TMEM169: variants seen among roughly 807,000 people sequenced by gnomAD.
TMEM169 encodes the protein transmembrane protein 169.
Under a neutral mutation model 27.3 loss-of-function variants are expected in TMEM169, and 18 were observed. The ratio of observed to expected loss-of-function variants is 0.66; its 90% CI spans 0.46 to 0.98. The LOEUF (loss-of-function observed/expected upper bound fraction) is 0.98, where lower values mean the gene tolerates loss of function less well. Ranked by LOEUF, TMEM169 falls within the 50% of genes least tolerant of loss-of-function variation. The pLI is 0.00. For missense variants in TMEM169, 320 were observed against 368.6 expected (o/e 0.87, Z 1.08); for synonymous variants, 136 against 142.1 (o/e 0.96, Z 0.30).
At chr2:216,096,628 G>A (rs1024189627) in intron 2 of TMEM169, among the ~76,000 whole-genome samples, 1 of 152,144 alleles carries the variant, frequency 6.6e-6, no homozygotes, top group Admixed American at 6.6e-5. Flanking sequence ...GCCTCCCAAA[G>A]TGCTGGGATT....
At chr2:216,087,790 C>T (rs536357193) in intron 1 of TMEM169, among the ~76,000 whole-genome samples, 1 of 152,324 alleles carries the variant, frequency 6.6e-6, no homozygotes, top group South Asian at 2.1e-4. Context: ...ACACAATAAA[C>T]ATCCAATAAG....
chr2:216,088,499 C>G (rs1333717296), intron 1 of TMEM169, among the ~76,000 whole-genome samples: 1 of 152,126 alleles, frequency 6.6e-6, no homozygotes, highest in Non-Finnish European at 1.5e-5. Context: ...ATTGTTGTAC[C>G]TAGAACAACT....
At chr2:216,088,608 A>G (rs1574430817) in intron 1 of TMEM169, among the ~76,000 whole-genome samples, 1 of 152,364 alleles carries the variant, frequency 6.6e-6, no homozygotes, top group Non-Finnish European at 1.5e-5. Context: ...GGCTGAGGTG[A>G]GAGGATTGCT....
intron 1 of TMEM169, among the ~76,000 whole-genome samples, chr2:216,089,944 C>T (rs1383459003): frequency 1.3e-5 from 2 of 152,228 alleles, no homozygotes; most frequent in African/African-American, 4.8e-5. Context: ...GTTTACCTTA[C>T]AGCCTGACAC....
rs368738342 is a variant in TMEM169, at chr2:216,099,951, C to T, written c.303C>T (p.Tyr101=). ...DMWNLPLDSR[Y]VTLTGTITRG... is the part of the protein sequence containing the mutation. ...GGAACCTGCCTCTGGACAGCCGCTA[C>T]GTCACCTTAACTGGGACCATCACAC... The change falls in exon 3 of 3, where the codon TAC becomes TAT. Residue 101 remains tyrosine (Y), a synonymous_variant. Coordinates refer to ENST00000437356, the MANE Select transcript of TMEM169 (RefSeq NM_001142311.2). The surrounding 1 kb of genome is among the most constrained non-coding windows in gnomAD (Gnocchi z 5.0). 71 of 1,613,916 alleles carry T rather than the reference C, an allele frequency of 4.4e-5. No homozygotes were observed. In the African/African-American group the frequency reaches 6.0e-4, roughly 14 times the overall value.
intron 1 of TMEM169, among the ~76,000 whole-genome samples, chr2:216,084,451 A>G (rs1177143823): frequency 2.0e-5 from 3 of 152,238 alleles, no homozygotes; most frequent in Non-Finnish European, 4.4e-5. Flanking sequence ...CTGAGTTGCT[A>G]CCACTTCACC....
intron 1 of TMEM169, 83 bp from the exon 2 acceptor site, chr2:216,095,755 C>A: frequency 1.9e-6 from 1 of 521,622 alleles, no homozygotes; most frequent in South Asian, 3.4e-5. Context: ...AAGGCTTCTG[C>A]TAAGTTGAGG....
chr2:216,096,692 G>A (rs1696272306), intron 2 of TMEM169, among the ~76,000 whole-genome samples: 1 of 152,172 alleles, frequency 6.6e-6, no homozygotes, highest in African/African-American at 2.4e-5. Flanking sequence ...TCAACAAATG[G>A]TCAGTATTTA....
chr2:216,091,604 G>C (rs1424478576), intron 1 of TMEM169, among the ~76,000 whole-genome samples: 1 of 147,984 alleles, frequency 6.8e-6, no homozygotes, highest in East Asian at 2.0e-4. Context: ...GAGCTAGTCA[G>C]CTCCTTCAGC....
chr2:216,086,803 C>T (rs1202670530), intron 1 of TMEM169, among the ~76,000 whole-genome samples: 2 of 152,190 alleles, frequency 1.3e-5, no homozygotes, highest in Non-Finnish European at 2.9e-5. Flanking sequence ...TGAATGAAAA[C>T]TCATGATGCC....
rs1559230067 is a variant in TMEM169, at chr2:216,100,110, T to C, written c.462T>C (p.Ala154=). Residue 154 remains alanine, a synonymous_variant, in exon 3 of 3, where the codon GCT becomes GCC. Coordinates refer to ENST00000437356, the MANE Select transcript of TMEM169 (RefSeq NM_001142311.2). ...PEGRMACQMG[A]DRGPHVVLWT... The stretch of plus-strand genomic sequence containing the variant: ...GAAGAATGGCCTGCCAGATGGGAGC[T>C]GACCGTGGGCCCCATGTGGTCCTCT... The C allele has an allele frequency of 6.2e-7, 1 of 1,614,180 alleles. No individual in the cohort carries two copies. The highest frequency in any genetic ancestry group is 1.1e-5 in the South Asian group (1 of 91,090).
chr2:216,090,838 C>T (rs1296019927), intron 1 of TMEM169, among the ~76,000 whole-genome samples: 2 of 152,190 alleles, frequency 1.3e-5, no homozygotes, highest in African/African-American at 2.4e-5. Context: ...ACTGTGACAT[C>T]TGATATATTC....
intron 1 of TMEM169, among the ~76,000 whole-genome samples, chr2:216,084,104 AC>A (rs1695941192): frequency 1.3e-5 from 2 of 151,562 alleles, no homozygotes; most frequent in Admixed American, 1.3e-4. Context: ...GTCCTCCCAC[AC>A]CCCCGAACCT....
chr2:216,094,031 T>G (rs1696202042), intron 1 of TMEM169, among the ~76,000 whole-genome samples: 1 of 152,168 alleles, frequency 6.6e-6, no homozygotes, highest in African/African-American at 2.4e-5. Flanking sequence ...GAAGAAGCTT[T>G]ATTATTGGAA....
Position 216,096,158 on chromosome 2 carries a change from G to T in TMEM169, c.195G>T (p.Glu65Asp). 1 of 1,614,146 alleles carries T rather than the reference G, an allele frequency of 6.2e-7. No homozygotes were observed. The highest frequency in any genetic ancestry group is 8.5e-7 in the Non-Finnish European group (1 of 1,180,028). The change falls in exon 2 of 3, where the codon GAG becomes GAT. Residue 65 changes from glutamate to aspartate, a missense_variant. Glu to Asp is a conservative substitution (Grantham distance 45, BLOSUM62 2). Coordinates refer to ENST00000437356, the MANE Select transcript of TMEM169 (RefSeq NM_001142311.2). Reference sequence around the variant, plus strand: ...CAGACAATGAGAAAACAGATGAGGAGCCCGGAGAATCAGAAGGTGGAGATC... The same window carrying T: ...CAGACAATGAGAAAACAGATGAGGATCCCGGAGAATCAGAAGGTGGAGATC... ...YRSDNEKTDE[E>D]PGESEGGDQP...
At chr2:216,088,048 A>G (rs909360109) in intron 1 of TMEM169, among the ~76,000 whole-genome samples, 4 of 151,970 alleles carry the variant, frequency 2.6e-5, no homozygotes, top group African/African-American at 7.2e-5. Context: ...GGTCCCAGCT[A>G]CTCAGGAGGC....
Position 216,099,493 on chromosome 2 carries a change from T to G in TMEM169, c.272-427T>G, listed in dbSNP as rs1240926602. 6.6e-6 allele frequency among the ~76,000 whole-genome samples: 1 copy of G among 151,894 alleles called. No individual in the cohort carries two copies. The highest frequency in any genetic ancestry group is 1.5e-5 in the Non-Finnish European group (1 of 67,956). On this transcript the variant is annotated intron_variant, in intron 2 of 2. Coordinates refer to ENST00000437356, the MANE Select transcript of TMEM169 (RefSeq NM_001142311.2). This position sits in a 1 kb window ranked among gnomAD's most constrained non-coding sequence, Gnocchi z 5.0. Reference sequence around the variant, plus strand: ...GGCCCCCTCTCAGAAAGCACAGAACTAGGCATGAGAAGGGAAGGTGGTGGC... The same window carrying G: ...GGCCCCCTCTCAGAAAGCACAGAACGAGGCATGAGAAGGGAAGGTGGTGGC...
chr2:216,086,961 G>A (rs1324204715), intron 1 of TMEM169, among the ~76,000 whole-genome samples: 1 of 152,202 alleles, frequency 6.6e-6, no homozygotes, highest in Non-Finnish European at 1.5e-5. Flanking sequence ...TCACATATTA[G>A]GCATTTTATA....
intron 1 of TMEM169, among the ~76,000 whole-genome samples, chr2:216,093,918 C>A (rs926799068): frequency 1.3e-5 from 2 of 152,200 alleles, no homozygotes; most frequent in African/African-American, 2.4e-5. Flanking sequence ...TAGTGGAATT[C>A]TAGAGCCTAG....
Sources: allele counts gnomAD v4.1 joint callset (sites outside exome capture counted in the v4.1 genomes callset), GRCh38; gene constraint gnomAD v4.1.1; non-coding constraint Gnocchi (gnomAD v3.1); transcripts MANE v1.5; gene names NCBI Gene and HGNC (gene_info 2026-07-23, HGNC 2026-07-21).